SCGB3A1: variants seen among roughly 807,000 people sequenced by gnomAD.
SCGB3A1 encodes secretoglobin family 3A member 1.
Under a neutral mutation model 7.6 loss-of-function variants are expected in SCGB3A1, and 7 were observed. The ratio of observed to expected loss-of-function variants is 0.93; its 90% CI spans 0.53 to 1.74. The LOEUF (loss-of-function observed/expected upper bound fraction) is 1.74. Ranked by LOEUF, SCGB3A1 falls within the 40% of genes most tolerant of loss-of-function variation. SCGB3A1 has a pLI of 0.00. For missense variants in SCGB3A1, 119 were observed against 129.0 expected (o/e 0.92, Z 0.38); for synonymous variants, 67 against 66.6 (o/e 1.01, Z -0.03).
rs991413968 is a variant in SCGB3A1, at chr5:180,591,347, G to T, written c.52+64C>A. ...ATCCACGATCGGCGCAGGCAGCGGCGGGGGCGCAGCGGGCGCCGAGGCCTC... is the reference window on the plus strand; with the variant it reads ...ATCCACGATCGGCGCAGGCAGCGGCTGGGGCGCAGCGGGCGCCGAGGCCTC... On this transcript the variant is annotated intron_variant, in intron 1 of 2. Transcript: ENST00000292641. 4.0e-5 allele frequency: 46 copies of T among 1,147,348 alleles called. No homozygotes were observed. In the South Asian group the frequency reaches 9.7e-4, roughly 24 times the overall value. The allele number at this position is 1,147,348 out of a possible 1,614,324, so 71.1% of individuals were successfully genotyped here.
chr5:180,590,677 T>G lies in SCGB3A1; in HGVS notation c.214A>C (p.Ile72Leu), dbSNP rs763099041. 22 of 1,591,118 alleles carry G rather than the reference T, an allele frequency of 1.4e-5. No homozygotes were observed. Among genetic ancestry groups the G allele is most frequent in the Non-Finnish European group, 8.6e-7 (1 of 1,168,912 alleles). Reference sequence around the variant, plus strand: ...GCCACACACTTCTGGGAGCCCTCTATGAGGTGGTTCACGGGGATGCCCAGG... The same window carrying G: ...GCCACACACTTCTGGGAGCCCTCTAGGAGGTGGTTCACGGGGATGCCCAGG... ...SSLGIPVNHLIEGSQKCVAEL... is the reference protein window; with the variant it reads ...SSLGIPVNHLLEGSQKCVAEL... The change falls in exon 2 of 3, where the codon ATA (isoleucine) becomes CTA (leucine). Residue 72 changes from isoleucine (I) to leucine (L), a missense_variant. Transcript: ENST00000292641.
chr5:180,590,697 C>T lies in SCGB3A1; in HGVS notation c.194G>A (p.Gly65Asp), dbSNP rs1234169433. ...NPLKLLLSSL[G>D]IPVNHLIEGS... ...CTCTATGAGGTGGTTCACGGGGATG[C>T]CCAGGCTGCTCAGCAGGAGCTTCAG... The change falls in exon 2 of 3, where the codon GGC becomes GAC. Residue 65 changes from glycine to aspartate, a missense_variant. Coordinates refer to ENST00000292641, the MANE Select transcript of SCGB3A1 (RefSeq NM_052863.3). 1 of 1,585,802 alleles carries T rather than the reference C, an allele frequency of 6.3e-7. No homozygotes were observed. Among genetic ancestry groups the T allele is most frequent in the African/African-American group, 1.3e-5 (1 of 74,310 alleles).
chr5:180,590,927 A>T, intron 1 of SCGB3A1, 89 bp from the exon 2 acceptor site: 1 of 962,022 alleles, frequency 1.0e-6, no homozygotes, highest in Non-Finnish European at 1.5e-6. Flanking sequence ...GGCGCCCAGG[A>T]ACCGTCGCGC....
chr5:180,590,337 G>A, intron 2 of SCGB3A1, 83 bp from the exon 3 acceptor site: 1 of 1,528,716 alleles, frequency 6.5e-7, no homozygotes, highest in Non-Finnish European at 8.9e-7. Flanking sequence ...CCGGCTCTGT[G>A]GGGAGCGGGA....
chr5:180,591,130 T>G, intron 1 of SCGB3A1: 1 of 425,470 alleles, frequency 2.4e-6, no homozygotes, highest in Non-Finnish European at 4.1e-6. Context: ...GAGGGGACAC[T>G]CGCGCTGCGC....
At position 180,590,251 on chromosome 5, in the gene SCGB3A1, C is replaced by T. The variant is rs769284897; in HGVS notation, c.295G>A (p.Ala99Thr). 8 of 1,582,472 alleles carry T rather than the reference C, an allele frequency of 5.1e-6. No homozygotes were observed. The highest frequency in any genetic ancestry group is 1.3e-5 in the African/African-American group (1 of 74,654). The change falls in exon 3 of 3, where the codon GCC becomes ACC. Residue 99 changes from alanine to threonine, a missense_variant. Physicochemically the swap from Ala to Thr is moderately conservative, Grantham distance 58. Coordinates refer to ENST00000292641, the MANE Select transcript of SCGB3A1 (RefSeq NM_052863.3). The stretch of plus-strand genomic sequence containing the variant: ...TCGGCTCAGCCAAACACTGTCAGGG[C>T]CCCCTGGAAAGCAGAAGCCGAGCTT... Reference protein sequence around the residue: ...AVKALKALLGALTVFG With the variant: ...AVKALKALLGTLTVFG
chr5:180,590,449 C>T (rs1761291021), intron 2 of SCGB3A1, 151 bp downstream of exon 2: 2 of 927,432 alleles, frequency 2.2e-6, no homozygotes, highest in Non-Finnish European at 3.2e-6. Context: ...CCAGTTCCCA[C>T]CCGGAGACCC....
intron 1 of SCGB3A1, 144 bp from the exon 2 acceptor site, chr5:180,590,982 G>T: frequency 6.6e-6 from 4 of 607,432 alleles, no homozygotes; most frequent in Non-Finnish European, 1.1e-5. Flanking sequence ...GCCGAGGCCT[G>T]CCAGGTGCGA....
chr5:180,591,131 C>A, intron 1 of SCGB3A1: 1 of 422,280 alleles, frequency 2.4e-6, no homozygotes, highest in Non-Finnish European at 4.1e-6. Context: ...AGGGGACACT[C>A]GCGCTGCGCC....
At chr5:180,591,094 G>A in intron 1 of SCGB3A1, 1 of 495,184 alleles carries the variant, frequency 2.0e-6, no homozygotes, top group South Asian at 3.4e-5. Flanking sequence ...TGAACTCTGT[G>A]CAGGGTCCGG....
chr5:180,590,118 G>A lies in SCGB3A1; in HGVS notation c.*113C>T, dbSNP rs1421912596. The A allele has an allele frequency of 2.4e-6, 3 of 1,239,892 alleles. No individual in the cohort carries two copies. In the East Asian group the frequency reaches 7.6e-5, roughly 31 times the overall value. The allele number at this position is 1,239,892 out of a possible 1,614,324, so 76.8% of individuals were successfully genotyped here. ...CCAGGCTCGAGCTGCTCTTAACCAC[G>A]TTTATTGAGAGGGGCCGGGGGAAGG... On this transcript the variant is annotated 3_prime_UTR_variant, in exon 3 of 3. Coordinates refer to ENST00000292641, the MANE Select transcript of SCGB3A1 (RefSeq NM_052863.3).
In SCGB3A1 at chr5:180,591,453, C is replaced by A; in HGVS notation, c.10G>T (p.Ala4Ser). The change falls in exon 1 of 3, where the codon GCC becomes TCC. Residue 4 changes from alanine (A) to serine (S), a missense_variant. Physicochemically the swap from Ala to Ser is moderately conservative, Grantham distance 99 (BLOSUM62 1). Transcript: ENST00000292641. ...GCCACGCAGAGCCCCAGGAGGGCGG[C>A]GAGCTTCATGGCGCGGGGGCTCGGG... MKL[A>S]ALLGLCVALS... The A allele has an allele frequency of 8.1e-7, 1 of 1,228,486 alleles. No homozygotes were observed. Among genetic ancestry groups the A allele is most frequent in the Non-Finnish European group, 1.0e-6 (1 of 985,910 alleles). The allele number at this position is 1,228,486 out of a possible 1,614,324, so 76.1% of individuals were successfully genotyped here.
rs1256218924 is a variant in SCGB3A1 at position 180,590,631 on chromosome 5, A to T, written c.260T>A (p.Val87Glu). ...KCVAELGPQA[V>E]GAVKALKALL... ...GGCCTTCAGGGCCTTCACGGCCCCC[A>T]CGGCCTGGGGACCCAGCTCAGCCAC... The change falls in exon 2 of 3, where the codon GTG becomes GAG. Residue 87 changes from valine (V) to glutamate (E), a missense_variant. Val to Glu is a moderately radical substitution (Grantham distance 121). Coordinates refer to ENST00000292641, the MANE Select transcript of SCGB3A1 (RefSeq NM_052863.3). 6.2e-7 allele frequency: 1 copy of T among 1,602,450 alleles called. No individual in the cohort carries two copies. Among genetic ancestry groups the T allele is most frequent in the Admixed American group, 1.7e-5 (1 of 58,750 alleles).
At chr5:180,591,201 C>G (rs1017520528) in intron 1 of SCGB3A1, 2 of 397,844 alleles carry the variant, frequency 5.0e-6, no homozygotes, top group East Asian at 7.7e-5. Context: ...AGGCCAGGGG[C>G]GGCCTCCATC....
intron 2 of SCGB3A1, 110 bp from the exon 3 acceptor site, chr5:180,590,364 G>A: frequency 2.1e-6 from 3 of 1,404,606 alleles, no homozygotes; most frequent in Non-Finnish European, 2.9e-6. Flanking sequence ...CGGTTCCGCT[G>A]GCGTCTCCGG....
chr5:180,590,775 G>A lies in SCGB3A1; in HGVS notation c.116C>T (p.Ala39Val), dbSNP rs1161637906. ...CAGGGTCCCGGCCCCGGCCTCCGCC[G>A]CCGACTCCAGCGCAGCGACAGGCTG... ...VAQPVAALESAAEAGAGTLAN... is the reference protein window; with the variant it reads ...VAQPVAALESVAEAGAGTLAN... The change falls in exon 2 of 3, where the codon GCG (alanine) becomes GTG (valine). Residue 39 changes from alanine (A) to valine (V), a missense_variant. By Grantham distance (64) the Ala-to-Val change is moderately conservative (BLOSUM62 0). Coordinates refer to ENST00000292641, the MANE Select transcript of SCGB3A1 (RefSeq NM_052863.3). 1 of 1,592,708 alleles carries A rather than the reference G, an allele frequency of 6.3e-7. No individual in the cohort carries two copies. The highest frequency in any genetic ancestry group is 8.5e-7 in the Non-Finnish European group (1 of 1,170,328).
rs945348601 is a variant in SCGB3A1 at position 180,590,480 on chromosome 5, G to A, written c.291+120C>T. ...GACCCGGGCTTCTCCCAGGGACAGG[G>A]CTTGGAGGGGCAGGACGGGAAACAG... is the stretch of plus-strand genomic sequence containing the variant. On this transcript the variant is annotated intron_variant, in intron 2 of 2. Coordinates refer to ENST00000292641, the MANE Select transcript of SCGB3A1 (RefSeq NM_052863.3). 54 of 954,834 alleles carry A rather than the reference G, an allele frequency of 5.7e-5. No homozygotes were observed. The South Asian group carries it at 9.2e-4, about 16-fold the overall frequency. The allele number at this position is 954,834 out of a possible 1,614,324, so 59.1% of individuals were successfully genotyped here.
chr5:180,591,274 G>A, intron 1 of SCGB3A1, 137 bp downstream of exon 1: 1 of 679,712 alleles, frequency 1.5e-6, no homozygotes, highest in Non-Finnish European at 2.0e-6. Context: ...GCGGGGCCCC[G>A]GGGTGGCGGA....
chr5:180,590,563 G>T, intron 2 of SCGB3A1, 37 bp downstream of exon 2: 1 of 1,522,692 alleles, frequency 6.6e-7, no homozygotes, highest in East Asian at 2.3e-5. Context: ...GGGAAGGGAT[G>T]CCCGCGCAGG....
Sources: gnomAD v4.1 joint callset for allele counts on GRCh38, gnomAD v4.1.1 for gene constraint, MANE v1.5 for transcripts, NCBI Gene and HGNC (gene_info 2026-07-23, HGNC 2026-07-21) for gene names.